The following SNTB1 variants were observed in gnomAD, a reference collection of about 807,000 sequenced individuals.
The protein encoded by SNTB1 is beta-1-syntrophin.
In SNTB1, 36 loss-of-function variants were observed where a neutral mutation model predicts 48.9. The observed-to-expected ratio is 0.74, with a 90% CI of 0.56 to 0.97. The LOEUF (loss-of-function observed/expected upper bound fraction) is 0.97, where lower values mean the gene tolerates loss of function less well. Among genes scored for constraint, SNTB1 ranks in the 50% least tolerant of loss-of-function variants. SNTB1 has a pLI of 0.00. For missense variants in SNTB1, 786 were observed against 703.4 expected (o/e 1.12, Z -1.33); for synonymous variants, 299 against 294.6 (o/e 1.01, Z -0.15).
At chr8:120,697,604 C>A (rs1470641730) in intron 1 of SNTB1, among the ~76,000 whole-genome samples, 1 of 152,178 alleles carries the variant, frequency 6.6e-6, no homozygotes, top group Non-Finnish European at 1.5e-5. Flanking sequence ...TGGAGGAAGG[C>A]AACTTCATCC....
chr8:120,583,238 C>T (rs368248638), intron 3 of SNTB1, among the ~76,000 whole-genome samples: 24 of 152,096 alleles, frequency 1.6e-4, no homozygotes, highest in African/African-American at 5.1e-4. Context: ...TGGTTGCTCA[C>T]GCCTGTAATC....
chr8:120,754,824 A>T (rs1240850917), intron 1 of SNTB1, among the ~76,000 whole-genome samples: 1 of 152,196 alleles, frequency 6.6e-6, no homozygotes, highest in African/African-American at 2.4e-5. Flanking sequence ...TTCAATTACT[A>T]CTTTCCTTCC....
At chr8:120,791,063 A>G (rs945827225) in intron 1 of SNTB1, among the ~76,000 whole-genome samples, 2 of 151,856 alleles carry the variant, frequency 1.3e-5, no homozygotes, top group South Asian at 4.2e-4. Flanking sequence ...GTAACCAAAC[A>G]TGTATACTAT....
intron 4 of SNTB1, among the ~76,000 whole-genome samples, chr8:120,550,123 C>T (rs1443275592): frequency 6.6e-6 from 1 of 152,144 alleles, no homozygotes; most frequent in African/African-American, 2.4e-5. Context: ...TGGCAACAAG[C>T]TTGTTGTATA....
rs185123103 is a variant in SNTB1, at chr8:120,653,352, C to T, written c.789-20701G>A. On this transcript the variant is annotated intron_variant, in intron 2 of 6. Transcript: ENST00000517992. ...AAAGAAGGTGATGTGAAGGTGGAGG[C>T]AGAGTTTGGAGTGATGCAGCTGCAA... Among the ~76,000 whole-genome samples the T allele has an allele frequency of 2.0e-5, 3 of 152,072 alleles. No individual in the cohort carries two copies. In the East Asian group the frequency reaches 5.8e-4, roughly 29 times the overall value.
chr8:120,652,907 A>G (rs946491399), intron 2 of SNTB1, among the ~76,000 whole-genome samples: 6 of 152,214 alleles, frequency 3.9e-5, no homozygotes, highest in African/African-American at 1.2e-4. Flanking sequence ...TAGAAATTCT[A>G]TTAGTAAAGA....
At position 120,811,359 on chromosome 8, in the gene SNTB1, G is replaced by A. The variant is rs1222673090; in HGVS notation, c.485C>T (p.Ser162Phe). Residue 162 changes from serine to phenylalanine, a missense_variant, in exon 1 of 7, where the codon TCC (serine) becomes TTC (phenylalanine). Coordinates refer to ENST00000517992, the MANE Select transcript of SNTB1 (RefSeq NM_021021.4). ...GTCCCGCAGGTCGGCTCCGTTCACG[G>A]ACAGGATGGCGTCGCCCACGTACAG... ...QALYVGDAIL[S>F]VNGADLRDAT... The A allele has an allele frequency of 6.2e-7, 1 of 1,613,606 alleles. No individual in the cohort carries two copies.
In SNTB1 at chr8:120,736,837, C is replaced by T. The variant is rs768186564; in HGVS notation, c.572-42929G>A. The stretch of plus-strand genomic sequence containing the variant: ...GAGCCACAGGCACACATCATTTTTA[C>T]GTGATATCCTAATCACACCTGGGGG... On this transcript the variant is annotated intron_variant, in intron 1 of 6. Transcript: ENST00000517992. 2.0e-5 allele frequency among the ~76,000 whole-genome samples: 3 copies of T among 151,960 alleles called. No homozygotes were observed. In the South Asian group the frequency reaches 6.3e-4, roughly 32 times the overall value.
At chr8:120,557,497 C>T (rs1815585159) in intron 4 of SNTB1, among the ~76,000 whole-genome samples, 1 of 152,206 alleles carries the variant, frequency 6.6e-6, no homozygotes, top group South Asian at 2.1e-4. Flanking sequence ...GAGTTGACAG[C>T]TCCTGGGTAA....
intron 1 of SNTB1, among the ~76,000 whole-genome samples, chr8:120,730,602 T>C (rs1244693537): frequency 6.6e-6 from 1 of 152,214 alleles, no homozygotes; most frequent in East Asian, 1.9e-4. Flanking sequence ...CTTACGTCTC[T>C]TCAAAATGAT....
At chr8:120,693,494 G>A (rs2129862065) in intron 2 of SNTB1, among the ~76,000 whole-genome samples, 198 bp downstream of exon 2, 2 of 152,288 alleles carry the variant, frequency 1.3e-5, no homozygotes, top group Middle Eastern at 6.8e-3. Context: ...AGTGCTCAGT[G>A]TATAGATTCT....
intron 3 of SNTB1, among the ~76,000 whole-genome samples, chr8:120,608,685 T>A (rs1218966459): frequency 6.6e-6 from 1 of 152,116 alleles, no homozygotes; most frequent in Non-Finnish European, 1.5e-5. Flanking sequence ...TCAGCTTCTA[T>A]AATACAATAA....
chr8:120,586,207 G>A (rs1450671885), intron 3 of SNTB1, among the ~76,000 whole-genome samples: 4 of 152,198 alleles, frequency 2.6e-5, no homozygotes, highest in Admixed American at 6.5e-5. Context: ...GCATGGCATC[G>A]CCAAATCTTC....
rs1817006224 is a variant in SNTB1 at position 120,632,761 on chromosome 8, C to T, written c.789-110G>A. 21 of 883,142 alleles carry T rather than the reference C, an allele frequency of 2.4e-5. No homozygotes were observed. In the South Asian group the frequency reaches 3.1e-4, roughly 13 times the overall value. 54.7% of individuals were successfully genotyped at this position (883,142 alleles called of 1,614,324 possible). A position where few individuals can be genotyped will look rare whatever the true frequency, so the allele number is the denominator to read the frequency against. The stretch of plus-strand genomic sequence containing the variant: ...CTTTACTCCTTCTTTTAGACTTTGT[C>T]AGTTTCTAACGGGATGCCTTAACAG... On this transcript the variant is annotated intron_variant, in intron 2 of 6. Transcript: ENST00000517992.
chr8:120,706,141 A>G (rs543045630), intron 1 of SNTB1, among the ~76,000 whole-genome samples: 1 of 152,350 alleles, frequency 6.6e-6, no homozygotes, highest in South Asian at 2.1e-4. Flanking sequence ...TTTAAATATT[A>G]CTATTATGTC....
At chr8:120,595,199 A>G (rs1403354343) in intron 3 of SNTB1, among the ~76,000 whole-genome samples, 3 of 152,158 alleles carry the variant, frequency 2.0e-5, no homozygotes, top group Non-Finnish European at 4.4e-5. Context: ...GGGTAAAATG[A>G]GGCTGAGTCC....
At chr8:120,738,035 G>A (rs1195560734) in intron 1 of SNTB1, among the ~76,000 whole-genome samples, 2 of 152,158 alleles carry the variant, frequency 1.3e-5, no homozygotes, top group East Asian at 3.9e-4. Flanking sequence ...CAGGGTGATA[G>A]CAGTAGGAGA....
intron 1 of SNTB1, among the ~76,000 whole-genome samples, chr8:120,700,602 T>A (rs187163481): frequency 1.4e-4 from 21 of 152,310 alleles, no homozygotes; most frequent in African/African-American, 5.1e-4. Context: ...GAGTCAGAGG[T>A]GCTCTTCAAA....
rs147760481 is a variant in SNTB1 at position 120,705,136 on chromosome 8, C to T, written c.572-11228G>A. ...TGAAAGGCTCAGGAAATAATTAAAC[C>T]ATACATTAAATGACAGACATTAGCA... On this transcript the variant is annotated intron_variant, in intron 1 of 6. Transcript: ENST00000517992. Among the ~76,000 whole-genome samples the T allele has an allele frequency of 2.7e-3, 411 of 152,262 alleles. 3 individuals are homozygous for T. The highest frequency in any genetic ancestry group is 9.6e-3 in the African/African-American group (397 of 41,556).
Sources: allele counts gnomAD v4.1 joint callset (sites outside exome capture counted in the v4.1 genomes callset), GRCh38; gene constraint gnomAD v4.1.1; transcripts MANE v1.5; gene names NCBI Gene and HGNC (gene_info 2026-07-23, HGNC 2026-07-21).